The following DNAL1 variants were observed in gnomAD, a reference collection of about 807,000 sequenced individuals.
DNAL1 encodes the protein chromosome 14 open reading frame 168.
A neutral mutation model predicts 29.4 loss-of-function variants in DNAL1; 17 were observed. That is an observed-to-expected ratio of 0.58 (90% confidence interval 0.40 to 0.87). DNAL1 has a LOEUF of 0.87. DNAL1 is among the 40% of genes least tolerant of loss of function. The pLI is 0.00. For missense variants in DNAL1, 188 were observed against 214.1 expected (o/e 0.88, Z 0.76); for synonymous variants, 78 against 76.3 (o/e 1.02, Z -0.12).
At position 73,652,766 on chromosome 14, in the gene DNAL1, A is replaced by C. The variant is rs77525446; in HGVS notation, c.4-2081A>C. Reference sequence around the variant, plus strand: ...TACTTTGCCAAATGTGTGAACGCCTATCTCATTTGTTTTCTATCTCTTATT... The same window carrying C: ...TACTTTGCCAAATGTGTGAACGCCTCTCTCATTTGTTTTCTATCTCTTATT... On this transcript the variant is annotated intron_variant, in intron 1 of 7. Transcript: ENST00000553645. 4.1e-3 allele frequency among the ~76,000 whole-genome samples: 631 copies of C among 152,106 alleles called. 2 individuals carry two copies. The highest frequency in any genetic ancestry group is 0.015 in the African/African-American group (605 of 41,508).
chr14:73,679,173 T>C (rs1891816256), intron 5 of DNAL1, among the ~76,000 whole-genome samples: 1 of 152,034 alleles, frequency 6.6e-6, no homozygotes, highest in African/African-American at 2.4e-5. Context: ...ATTTTTTTAT[T>C]TTTAGTAGAG....
intron 1 of DNAL1, among the ~76,000 whole-genome samples, chr14:73,646,314 T>A (rs1890975958): frequency 6.6e-6 from 1 of 152,232 alleles, no homozygotes; most frequent in African/African-American, 2.4e-5. Context: ...TTATTGGCAG[T>A]TTTGCCTTGC....
chr14:73,677,872 A>G (rs1239756705), intron 5 of DNAL1, among the ~76,000 whole-genome samples: 1 of 108,256 alleles, frequency 9.2e-6, no homozygotes, highest in East Asian at 2.5e-4. Flanking sequence ...ATTTATATAT[A>G]TATATATATA....
At chr14:73,649,725 C>T (rs1891070755) in intron 1 of DNAL1, among the ~76,000 whole-genome samples, 1 of 152,010 alleles carries the variant, frequency 6.6e-6, no homozygotes, top group Non-Finnish European at 1.5e-5. Context: ...TTTCTTTTTC[C>T]TTAGTAATTG....
chr14:73,691,526 G>A (rs928345570), intron 7 of DNAL1, among the ~76,000 whole-genome samples: 1 of 152,028 alleles, frequency 6.6e-6, no homozygotes, highest in Admixed American at 6.6e-5. Context: ...TCCAGCCTGG[G>A]CAACAGAGTG....
intron 5 of DNAL1, among the ~76,000 whole-genome samples, chr14:73,686,195 A>C (rs2140057389): frequency 6.6e-6 from 1 of 152,288 alleles, no homozygotes; most frequent in South Asian, 2.1e-4. Flanking sequence ...CAGAGTAAGA[A>C]ACTGAGGGGA....
chr14:73,645,153 G>A, intron 1 of DNAL1, 111 bp downstream of exon 1: 1 of 1,533,776 alleles, frequency 6.5e-7, no homozygotes, highest in Non-Finnish European at 8.8e-7. Flanking sequence ...AAGGGAGCCG[G>A]TAGCTGACGC....
At chr14:73,662,184 T>G in intron 4 of DNAL1, 142 bp downstream of exon 4, 1 of 668,134 alleles carries the variant, frequency 1.5e-6, no homozygotes, top group Non-Finnish European at 2.5e-6. Context: ...AACTATGTCT[T>G]AAGTTTGATT....
chr14:73,664,864 A>T (rs1380534976), intron 4 of DNAL1, among the ~76,000 whole-genome samples: 1 of 152,080 alleles, frequency 6.6e-6, no homozygotes, highest in Non-Finnish European at 1.5e-5. Context: ...TTGTCTAAAA[A>T]AAAAAATAAA....
chr14:73,650,362 C>G (rs1220523142), intron 1 of DNAL1, among the ~76,000 whole-genome samples: 1 of 152,004 alleles, frequency 6.6e-6, no homozygotes, highest in Non-Finnish European at 1.5e-5. Flanking sequence ...CACATGTTTT[C>G]TATCCTTGGT....
rs142079734 is a variant in DNAL1, at chr14:73,665,557, G to A, written c.208+3515G>A. On this transcript the variant is annotated intron_variant, in intron 4 of 7. Transcript: ENST00000553645. Reference sequence around the variant, plus strand: ...TGTAATCCCAGCACTTTGGGAGGCCGAGGCGGGTGGATCACCTGAGGTCAG... The same window carrying A: ...TGTAATCCCAGCACTTTGGGAGGCCAAGGCGGGTGGATCACCTGAGGTCAG... 1.9e-3 allele frequency among the ~76,000 whole-genome samples: 282 copies of A among 152,244 alleles called. 8 individuals carry two copies. The East Asian group carries it at 0.05, about 27-fold the overall frequency.
Position 73,691,855 on chromosome 14 carries a change from C to G in DNAL1, c.532+2340C>G, listed in dbSNP as rs868400364. Among the ~76,000 whole-genome samples, 14 of 117,244 alleles carry G rather than the reference C, an allele frequency of 1.2e-4. No homozygotes were observed. The East Asian group carries it at 4.4e-3, about 37-fold the overall frequency. 76.9% of individuals were successfully genotyped at this position (117,244 alleles called of 152,430 possible). On this transcript the variant is annotated intron_variant, in intron 7 of 7. Coordinates refer to ENST00000553645, the MANE Select transcript of DNAL1 (RefSeq NM_031427.4). ...ACTACAGGCGTGCGCCACCCCCCCCCCCCAGCTAATTTTTGTATTTTTAGT... is the reference window on the plus strand; with the variant it reads ...ACTACAGGCGTGCGCCACCCCCCCCGCCCAGCTAATTTTTGTATTTTTAGT...
chr14:73,689,601 A>G (rs2140060740), intron 7 of DNAL1, 86 bp downstream of exon 7: 2 of 1,535,916 alleles, frequency 1.3e-6, no homozygotes, highest in Non-Finnish European at 1.8e-6. Context: ...GAGAAAAACT[A>G]AAGAAAAAAT....
chr14:73,681,972 C>T (rs1417812678), intron 5 of DNAL1, among the ~76,000 whole-genome samples: 1 of 151,230 alleles, frequency 6.6e-6, no homozygotes, highest in Non-Finnish European at 1.5e-5. Context: ...ATTAGCCAGG[C>T]GTGGTGGTGC....
In DNAL1 at chr14:73,693,852, G is replaced by A. The variant is rs116787617; in HGVS notation, c.533-2050G>A. Among the ~76,000 whole-genome samples the A allele has an allele frequency of 8.2e-3, 1,254 of 152,150 alleles. 23 individuals are homozygous for A. Among genetic ancestry groups the A allele is most frequent in the African/African-American group, 0.028 (1,163 of 41,496 alleles). On this transcript the variant is annotated intron_variant, in intron 7 of 7. Transcript: ENST00000553645. ...ATAATCTTTCTTAAATCTGGGTGCCGGTAACTAGTTTGTGTTCACTTTATG... is the reference window on the plus strand; with the variant it reads ...ATAATCTTTCTTAAATCTGGGTGCCAGTAACTAGTTTGTGTTCACTTTATG...
intron 2 of DNAL1, among the ~76,000 whole-genome samples, chr14:73,656,434 C>CTTTTTTTT (rs558976461): frequency 7.5e-6 from 1 of 132,656 alleles, no homozygotes. Context: ...ACATTTTTGA[C>CTTTTTTTT]TTTTTTTTTT....
chr14:73,675,955 C>T (rs1566886646), intron 5 of DNAL1, among the ~76,000 whole-genome samples: 1 of 152,040 alleles, frequency 6.6e-6, no homozygotes, highest in Non-Finnish European at 1.5e-5. Context: ...GCAGAGGATG[C>T]AGGAGCCGAG....
Position 73,665,833 on chromosome 14 carries a change from C to G in DNAL1, c.208+3791C>G, listed in dbSNP as rs114109580. Among the ~76,000 whole-genome samples, 1,283 of 151,648 alleles carry G rather than the reference C, an allele frequency of 8.5e-3. 10 individuals are homozygous for G. Among genetic ancestry groups the G allele is most frequent in the African/African-American group, 0.03 (1,222 of 41,376 alleles). On this transcript the variant is annotated intron_variant, in intron 4 of 7. Transcript: ENST00000553645. ...CTATGATAATAGTGAAAATGGATGA[C>G]CTTCTATGTAGGGCTGGCAGTGGGT...
rs950827484 is a variant in DNAL1, at chr14:73,697,233, A to C, written c.*1291A>C. On this transcript the variant is annotated 3_prime_UTR_variant, in exon 8 of 8. Coordinates refer to ENST00000553645, the MANE Select transcript of DNAL1 (RefSeq NM_031427.4). ...GGGCCCTCTGCCAAATTGTGCCTAA[A>C]GTCCCTCAGAGACTGTTGATTCTGG... 1.3e-5 allele frequency: 2 copies of C among 152,206 alleles called. No homozygotes were observed. Among genetic ancestry groups the C allele is most frequent in the Non-Finnish European group, 2.9e-5 (2 of 68,040 alleles). The allele number at this position is 152,206 out of a possible 1,614,324, so 9.4% of individuals were successfully genotyped here.
Sources: gnomAD v4.1 joint callset for allele counts (sites outside exome capture counted in the v4.1 genomes callset) on GRCh38, gnomAD v4.1.1 for gene constraint, MANE v1.5 for transcripts, NCBI Gene and HGNC (gene_info 2026-07-23, HGNC 2026-07-21) for gene names.